The following ITGA9 variants were observed in gnomAD, a reference collection of about 807,000 sequenced individuals.
ITGA9 encodes integrin alpha-9.
Under a neutral mutation model 127.8 loss-of-function variants are expected in ITGA9, and 56 were observed. That is an observed-to-expected ratio of 0.44 (90% confidence interval 0.35 to 0.55). ITGA9 has a LOEUF of 0.55. Ranked by LOEUF, ITGA9 falls within the 20% of genes least tolerant of loss-of-function variation. The pLI is 0.00. For synonymous variants in ITGA9, 508 were observed against 514.5 expected (o/e 0.99, Z 0.17); for missense variants, 1,196 against 1,347.1 (o/e 0.89, Z 1.76).
chr3:37,496,439 C>T (rs1224556918), intron 5 of ITGA9, among the ~76,000 whole-genome samples: 1 of 152,178 alleles, frequency 6.6e-6, no homozygotes, highest in Non-Finnish European at 1.5e-5. Context: ...AGTCCCACCA[C>T]CTCCTATGCC....
At chr3:37,708,436 G>C (rs1189461311) in intron 18 of ITGA9, among the ~76,000 whole-genome samples, 3 of 152,198 alleles carry the variant, frequency 2.0e-5, no homozygotes, top group African/African-American at 7.2e-5. Flanking sequence ...AAACTGCAAG[G>C]GATGTAGTTA....
chr3:37,812,936 T>C (rs557841511), intron 27 of ITGA9, among the ~76,000 whole-genome samples: 24 of 152,262 alleles, frequency 1.6e-4, no homozygotes, highest in African/African-American at 5.3e-4. Context: ...TGGGCTCAGC[T>C]GGCAACAAAA....
intron 15 of ITGA9, among the ~76,000 whole-genome samples, chr3:37,614,909 A>C (rs1013529029): frequency 1.6e-4 from 25 of 152,216 alleles, no homozygotes; most frequent in African/African-American, 5.6e-4. Flanking sequence ...TGTCATCTGC[A>C]AACAGGGACA....
intron 8 of ITGA9, among the ~76,000 whole-genome samples, chr3:37,512,018 CTTTTCT>C (rs1383707809): frequency 0.11 from 3,418 of 31,794 alleles, 356 homozygotes; most frequent in East Asian, 0.13. Flanking sequence ...CTTTTCTTTT[CTTTTCT>C]TTTCTTTCTT....
intron 19 of ITGA9, among the ~76,000 whole-genome samples, chr3:37,736,253 C>A (rs145962596): frequency 1.1e-3 from 175 of 152,186 alleles, no homozygotes; most frequent in African/African-American, 4.0e-3. Context: ...CACAAACATT[C>A]AGCGCATAAG....
intron 27 of ITGA9, among the ~76,000 whole-genome samples, chr3:37,813,318 G>A (rs1260173525): frequency 6.6e-6 from 1 of 151,970 alleles, no homozygotes; most frequent in African/African-American, 2.4e-5. Flanking sequence ...GGTAACTTGG[G>A]GATTATTTGT....
At chr3:37,527,567 A>T (rs1456425864) in intron 13 of ITGA9, among the ~76,000 whole-genome samples, 1 of 152,050 alleles carries the variant, frequency 6.6e-6, no homozygotes, top group African/African-American at 2.4e-5. Flanking sequence ...ATGTGACTGG[A>T]TTTTCACTTT....
At chr3:37,584,387 A>G (rs1699736884) in intron 15 of ITGA9, among the ~76,000 whole-genome samples, 1 of 152,178 alleles carries the variant, frequency 6.6e-6, no homozygotes. Context: ...GAGTGGGGAA[A>G]TAGAGTAGAA....
intron 16 of ITGA9, among the ~76,000 whole-genome samples, chr3:37,641,407 T>C (rs1458061087): frequency 6.6e-6 from 1 of 152,070 alleles, no homozygotes; most frequent in Non-Finnish European, 1.5e-5. Flanking sequence ...CAGATGAACC[T>C]CTCTGGATCT....
chr3:37,723,146 A>G (rs1701209010), intron 18 of ITGA9, among the ~76,000 whole-genome samples: 1 of 152,276 alleles, frequency 6.6e-6, no homozygotes, highest in African/African-American at 2.4e-5. Context: ...TCCTTTACCC[A>G]TTTGATAGTT....
chr3:37,460,810 C>T (rs1281870482), intron 1 of ITGA9, among the ~76,000 whole-genome samples: 6 of 152,094 alleles, frequency 3.9e-5, no homozygotes, highest in African/African-American at 1.2e-4. Context: ...AGAATAGTCT[C>T]GATCTCCTGA....
intron 18 of ITGA9, among the ~76,000 whole-genome samples, chr3:37,729,001 G>T (rs1302137899): frequency 1.3e-5 from 2 of 151,816 alleles, no homozygotes; most frequent in Non-Finnish European, 2.9e-5. Flanking sequence ...GACATCCTTG[G>T]GTACCCACAT....
intron 17 of ITGA9, among the ~76,000 whole-genome samples, chr3:37,656,084 TG>T (rs1427864773): frequency 5.9e-5 from 9 of 152,244 alleles, no homozygotes; most frequent in Non-Finnish European, 1.3e-4. Flanking sequence ...CATGCTGTTT[TG>T]GTTACTGTGG....
chr3:37,473,222 C>T, intron 2 of ITGA9, 132 bp from the exon 3 acceptor site: 2 of 581,256 alleles, frequency 3.4e-6, no homozygotes, highest in Non-Finnish European at 6.6e-6. Flanking sequence ...CAGTATAGTA[C>T]ATAGTGATGG....
At chr3:37,736,389 G>T (rs1696362792) in intron 19 of ITGA9, among the ~76,000 whole-genome samples, 2 of 152,126 alleles carry the variant, frequency 1.3e-5, no homozygotes, top group African/African-American at 4.8e-5. Flanking sequence ...TAGACCTTAG[G>T]CTCAGAGGCT....
intron 15 of ITGA9, among the ~76,000 whole-genome samples, chr3:37,616,194 C>T (rs1211745843): frequency 6.6e-6 from 1 of 152,168 alleles, no homozygotes; most frequent in African/African-American, 2.4e-5. Flanking sequence ...CAAAGAACAT[C>T]TTTATTTCTG....
At chr3:37,542,762 T>A (rs925004309) in intron 15 of ITGA9, among the ~76,000 whole-genome samples, 177 bp downstream of exon 15, 2 of 152,228 alleles carry the variant, frequency 1.3e-5, no homozygotes, top group South Asian at 4.1e-4. Flanking sequence ...GCCCTTTTAT[T>A]TATCTTACTG....
intron 15 of ITGA9, among the ~76,000 whole-genome samples, chr3:37,556,267 G>C (rs924226122): frequency 5.9e-5 from 9 of 152,196 alleles, no homozygotes; most frequent in Non-Finnish European, 1.0e-4. Flanking sequence ...TTCTTAGTAG[G>C]GGTCTGGTAA....
chr3:37,527,839 G>A (rs1699109032), intron 13 of ITGA9, among the ~76,000 whole-genome samples: 1 of 151,798 alleles, frequency 6.6e-6, no homozygotes, highest in African/African-American at 2.4e-5. Flanking sequence ...GGGCTGGAGT[G>A]CAATGGTGTG....
Sources: gnomAD v4.1 joint callset for allele counts (sites outside exome capture counted in the v4.1 genomes callset) on GRCh38, gnomAD v4.1.1 for gene constraint, MANE v1.5 for transcripts, NCBI Gene and HGNC (gene_info 2026-07-23, HGNC 2026-07-21) for gene names.